The following TMEM131 variants were observed in gnomAD, a reference collection of about 807,000 sequenced individuals.
TMEM131 encodes the protein 2610524E03Rik.
TMEM131 carries 66 observed loss-of-function variants against 211.6 expected under a neutral mutation model. The ratio of observed to expected loss-of-function variants is 0.31; its 90% CI spans 0.26 to 0.38. TMEM131 has a LOEUF of 0.38. Ranked by LOEUF, TMEM131 falls within the 10% of genes least tolerant of loss-of-function variation. TMEM131 has a pLI of 1.00. For synonymous variants in TMEM131, 844 were observed against 841.3 expected (o/e 1.00, Z -0.06); for missense variants, 2,036 against 2,299.3 (o/e 0.89, Z 2.34).
chr2:97,795,590 T>G (rs1186972752), intron 28 of TMEM131, among the ~76,000 whole-genome samples: 1 of 152,218 alleles, frequency 6.6e-6, no homozygotes, highest in Non-Finnish European at 1.5e-5. Flanking sequence ...AGGTGTCTTA[T>G]TCCTCATTGC....
chr2:97,868,636 T>G (rs369646739), intron 4 of TMEM131, among the ~76,000 whole-genome samples: 1 of 152,130 alleles, frequency 6.6e-6, no homozygotes. Context: ...TGACGTTCTG[T>G]AGATTGCACA....
At chr2:97,760,713 A>C (rs1678789927) in intron 37 of TMEM131, 24 bp from the exon 38 acceptor site, 1 of 1,614,002 alleles carries the variant, frequency 6.2e-7, no homozygotes, top group East Asian at 2.2e-5. Flanking sequence ...CGTTCAATCA[A>C]TGGAAGGCAC....
At chr2:97,989,748 G>C (rs1573661639) in intron 1 of TMEM131, among the ~76,000 whole-genome samples, 1 of 152,258 alleles carries the variant, frequency 6.6e-6, no homozygotes, top group East Asian at 1.9e-4. Context: ...AGAGTTGTAT[G>C]CAACAAAATC....
At chr2:97,773,476 G>A (rs1679564661) in intron 32 of TMEM131, among the ~76,000 whole-genome samples, 1 of 152,176 alleles carries the variant, frequency 6.6e-6, no homozygotes, top group South Asian at 2.1e-4. Context: ...GGAGTGGGCG[G>A]CCACATCCAA....
At chr2:97,874,200 G>A (rs1344694578) in intron 4 of TMEM131, among the ~76,000 whole-genome samples, 1 of 152,100 alleles carries the variant, frequency 6.6e-6, no homozygotes, top group African/African-American at 2.4e-5. Flanking sequence ...AATGAACAAA[G>A]CCTCCAAGAA....
intron 5 of TMEM131, among the ~76,000 whole-genome samples, chr2:97,856,813 GAAA>G (rs1673867871): frequency 6.6e-6 from 1 of 152,000 alleles, no homozygotes; most frequent in Non-Finnish European, 1.5e-5. Context: ...TTATTGTAGG[GAAA>G]AAAAGATGCA....
At position 97,796,534 on chromosome 2, in the gene TMEM131, C is replaced by G. The variant is rs1319000153; in HGVS notation, c.3014-130G>C. On this transcript the variant is annotated intron_variant, in intron 27 of 40. Coordinates refer to ENST00000186436, the MANE Select transcript of TMEM131 (RefSeq NM_015348.2). ...AACCATCCCTGCATGTCAGAGAGAT[C>G]AGCTGTTCCTCAGATTTCATCATGA... 1.2e-5 allele frequency: 8 copies of G among 677,836 alleles called. No homozygotes were observed. In the Admixed American group the frequency reaches 2.7e-4, roughly 23 times the overall value. The allele number at this position is 677,836 out of a possible 1,614,324, so 42.0% of individuals were successfully genotyped here. A position where few individuals can be genotyped will look rare whatever the true frequency, so the allele number is the denominator to read the frequency against.
At chr2:97,878,590 C>A (rs1674791119) in intron 4 of TMEM131, among the ~76,000 whole-genome samples, 1 of 152,144 alleles carries the variant, frequency 6.6e-6, no homozygotes, top group Non-Finnish European at 1.5e-5. Flanking sequence ...AGCAAACTAC[C>A]ACAAGAGCAG....
rs188395605 is a variant in TMEM131 at position 97,871,391 on chromosome 2, C to T, written c.360-11964G>A. Among the ~76,000 whole-genome samples, 15 of 152,262 alleles carry T rather than the reference C, an allele frequency of 9.9e-5. 1 individual carries two copies. The East Asian group carries it at 1.2e-3, about 12-fold the overall frequency. ...AGGATGATAATAACCTTTCCCAAAACGAAACTGCTTCTGAAAACTAATGAA... is the reference window on the plus strand; with the variant it reads ...AGGATGATAATAACCTTTCCCAAAATGAAACTGCTTCTGAAAACTAATGAA... On this transcript the variant is annotated intron_variant, in intron 4 of 40. Coordinates refer to ENST00000186436, the MANE Select transcript of TMEM131 (RefSeq NM_015348.2).
intron 3 of TMEM131, among the ~76,000 whole-genome samples, chr2:97,894,488 C>T (rs962679954): frequency 1.2e-4 from 18 of 152,114 alleles, no homozygotes; most frequent in Non-Finnish European, 1.9e-4. Flanking sequence ...GCCATTTTCA[C>T]GATATTGATT....
intron 11 of TMEM131, among the ~76,000 whole-genome samples, chr2:97,822,571 G>C (rs1021079098): frequency 1.1e-4 from 16 of 152,122 alleles, no homozygotes; most frequent in African/African-American, 3.9e-4. Context: ...CACTAAATCT[G>C]ATTTTTCTTG....
At chr2:97,807,008 G>A (rs1247484759) in intron 19 of TMEM131, among the ~76,000 whole-genome samples, 1 of 152,138 alleles carries the variant, frequency 6.6e-6, no homozygotes, top group East Asian at 1.9e-4. Flanking sequence ...TTGTCTCTTG[G>A]GGGTGTGGGG....
intron 4 of TMEM131, among the ~76,000 whole-genome samples, chr2:97,883,662 T>TTAAA (rs764234467): frequency 6.6e-6 from 1 of 152,214 alleles, no homozygotes; most frequent in Non-Finnish European, 1.5e-5. Flanking sequence ...ATGGTTGTGT[T>TTAAA]TAAATCATCA....
chr2:97,782,674 G>C (rs1470422380), intron 31 of TMEM131, among the ~76,000 whole-genome samples: 2 of 152,082 alleles, frequency 1.3e-5, no homozygotes, highest in African/African-American at 4.8e-5. Context: ...GGAAATGTCA[G>C]AACTGAAAAA....
intron 1 of TMEM131, among the ~76,000 whole-genome samples, chr2:97,971,131 C>A (rs1247441318): frequency 6.6e-6 from 1 of 152,200 alleles, no homozygotes; most frequent in Non-Finnish European, 1.5e-5. Flanking sequence ...GTGCTAACTT[C>A]AGCTCAGAGC....
intron 11 of TMEM131, among the ~76,000 whole-genome samples, chr2:97,823,815 C>T (rs946361867): frequency 3.3e-5 from 5 of 152,210 alleles, no homozygotes; most frequent in Non-Finnish European, 7.3e-5. Context: ...ACTCTCCTGT[C>T]ACCCAACTCC....
chr2:97,796,962 A>C lies in TMEM131; in HGVS notation c.2895T>G (p.Ala965=). Residue 965 remains alanine (A), a synonymous_variant, in exon 27 of 41, where the codon GCT becomes GCG. Transcript: ENST00000186436. Reference sequence around the variant, plus strand: ...TTGTTCCTTGTCCTTGGACCATCACAGCATCCATCACAGTCAGGTTATTTC... The same window carrying C: ...TTGTTCCTTGTCCTTGGACCATCACCGCATCCATCACAGTCAGGTTATTTC... ...IVRNNLTVMD[A]VMVQGQGTTE... The C allele has an allele frequency of 1.2e-6, 2 of 1,613,888 alleles. No homozygotes were observed. The highest frequency in any genetic ancestry group is 1.7e-6 in the Non-Finnish European group (2 of 1,179,834).
Position 97,776,252 on chromosome 2 carries a change from C to T in TMEM131, c.4145-234G>A, listed in dbSNP as rs1046794834. Among the ~76,000 whole-genome samples the T allele has an allele frequency of 5.3e-5, 8 of 151,980 alleles. No homozygotes were observed. The East Asian group carries it at 1.5e-3, about 29-fold the overall frequency. On this transcript the variant is annotated intron_variant, in intron 31 of 40. Coordinates refer to ENST00000186436, the MANE Select transcript of TMEM131 (RefSeq NM_015348.2). ...GTATTTTTTAGTAGAGACGGGGTTT[C>T]GTCGTGTTAGCCAGGATGGTCTCAA...
At chr2:97,957,571 C>A (rs1678629165) in intron 1 of TMEM131, among the ~76,000 whole-genome samples, 1 of 151,998 alleles carries the variant, frequency 6.6e-6, no homozygotes, top group Non-Finnish European at 1.5e-5. Flanking sequence ...AAGGTTATTT[C>A]ATGATCTCAT....
Sources: allele counts gnomAD v4.1 joint callset (sites outside exome capture counted in the v4.1 genomes callset), GRCh38; gene constraint gnomAD v4.1.1; transcripts MANE v1.5; gene names NCBI Gene and HGNC (gene_info 2026-07-23, HGNC 2026-07-21).